The following TAFA1 variants were observed in gnomAD, a reference collection of about 807,000 sequenced individuals.
The protein encoded by TAFA1 is chemokine-like protein TAFA-1.
A neutral mutation model predicts 18.5 loss-of-function variants in TAFA1; 4 were observed. The observed-to-expected ratio is 0.22, with a 90% CI of 0.11 to 0.49. The LOEUF is 0.49. Among genes scored for constraint, TAFA1 ranks in the 20% least tolerant of loss-of-function variants. TAFA1 has a pLI of 0.98. For missense variants in TAFA1, 147 were observed against 169.0 expected (o/e 0.87, Z 0.72); for synonymous variants, 56 against 55.2 (o/e 1.01, Z -0.06).
chr3:68,135,339 A>G (rs915833450), intron 2 of TAFA1, among the ~76,000 whole-genome samples: 1 of 152,210 alleles, frequency 6.6e-6, no homozygotes, highest in African/African-American at 2.4e-5. Context: ...AACAAAGCCT[A>G]TAATTTCTTC....
intron 3 of TAFA1, among the ~76,000 whole-genome samples, chr3:68,435,842 A>G (rs531052476): frequency 6.6e-6 from 1 of 152,296 alleles, no homozygotes; most frequent in Non-Finnish European, 1.5e-5. Context: ...TAACCATGTA[A>G]AAACAGGCCC....
chr3:68,077,671 T>C (rs1468162127), intron 2 of TAFA1, among the ~76,000 whole-genome samples: 1 of 152,120 alleles, frequency 6.6e-6, no homozygotes, highest in Non-Finnish European at 1.5e-5. Flanking sequence ...GATCTATATC[T>C]CTATTTTGGT....
At chr3:68,063,375 A>AT (rs1398140079) in intron 2 of TAFA1, among the ~76,000 whole-genome samples, 10 of 152,218 alleles carry the variant, frequency 6.6e-5, no homozygotes, top group African/African-American at 2.4e-4. Context: ...ATAAGAAACC[A>AT]TTAAAGATGC....
chr3:68,398,893 T>A (rs2070434477), intron 2 of TAFA1, among the ~76,000 whole-genome samples: 1 of 152,174 alleles, frequency 6.6e-6, no homozygotes, highest in Non-Finnish European at 1.5e-5. Flanking sequence ...TCTAAAGGAA[T>A]AAGTTTATAT....
intron 3 of TAFA1, among the ~76,000 whole-genome samples, chr3:68,441,145 C>G (rs536446377): frequency 6.6e-6 from 1 of 152,272 alleles, no homozygotes; most frequent in African/African-American, 2.4e-5. Context: ...TTGGAGGAAA[C>G]ATATTCCTCA....
intron 2 of TAFA1, among the ~76,000 whole-genome samples, chr3:68,194,011 T>A (rs1409322089): frequency 6.6e-6 from 1 of 151,816 alleles, no homozygotes; most frequent in East Asian, 1.9e-4. Context: ...CATGTGTCTT[T>A]GTTCTGAGAC....
At chr3:68,227,704 C>T (rs950782813) in intron 2 of TAFA1, among the ~76,000 whole-genome samples, 4 of 152,006 alleles carry the variant, frequency 2.6e-5, no homozygotes, top group Non-Finnish European at 5.9e-5. Flanking sequence ...CTTTTTTTCT[C>T]CCAACTATGG....
chr3:68,000,845 G>A (rs531658587), upstream of TAFA1, among the ~76,000 whole-genome samples: 1 of 152,180 alleles, frequency 6.6e-6, no homozygotes, highest in Non-Finnish European at 1.5e-5. Context: ...GGTAGTGACT[G>A]ATTGGATGCA....
At chr3:68,091,186 C>T (rs1250692869) in intron 2 of TAFA1, among the ~76,000 whole-genome samples, 1 of 152,132 alleles carries the variant, frequency 6.6e-6, no homozygotes, top group African/African-American at 2.4e-5. Context: ...ACCAAGGACA[C>T]CTACAGACTT....
chr3:68,379,251 A>T (rs760022328), intron 2 of TAFA1, among the ~76,000 whole-genome samples: 6 of 152,076 alleles, frequency 3.9e-5, no homozygotes, highest in Non-Finnish European at 7.4e-5. Flanking sequence ...CCTTTCCCTA[A>T]TGATCAGTGA....
upstream of TAFA1, among the ~76,000 whole-genome samples, chr3:68,002,957 C>T (rs1575568267): frequency 6.6e-6 from 1 of 152,310 alleles, no homozygotes; most frequent in Non-Finnish European, 1.5e-5. Flanking sequence ...GCTGCCACTG[C>T]TGTTATTATT....
At chr3:67,997,948 T>C in the TAFA1 span, among the ~76,000 whole-genome samples, 36 of 151,862 alleles carry the variant, frequency 2.4e-4, no homozygotes, top group Non-Finnish European at 3.2e-4. Context: ...AGAGCACCAT[T>C]AGAGGACTGA....
intron 2 of TAFA1, among the ~76,000 whole-genome samples, chr3:68,373,509 A>G (rs1199460036): frequency 6.6e-6 from 1 of 152,180 alleles, no homozygotes; most frequent in Non-Finnish European, 1.5e-5. Flanking sequence ...AAAGAAACAT[A>G]AGACTTAAAT....
At chr3:68,382,678 T>C (rs891382745) in intron 2 of TAFA1, among the ~76,000 whole-genome samples, 2 of 152,174 alleles carry the variant, frequency 1.3e-5, no homozygotes, top group African/African-American at 4.8e-5. Flanking sequence ...TTGCTTAGGA[T>C]TGCCTTTTTG....
chr3:68,090,962 T>C (rs2065023776), intron 2 of TAFA1, among the ~76,000 whole-genome samples: 1 of 152,180 alleles, frequency 6.6e-6, no homozygotes, highest in Non-Finnish European at 1.5e-5. Context: ...ATAATATTTT[T>C]TAAAACAATC....
intron 2 of TAFA1, among the ~76,000 whole-genome samples, chr3:68,127,581 G>A (rs1489413457): frequency 2.2e-3 from 11 of 4,984 alleles, no homozygotes; most frequent in East Asian, 6.3e-3. Flanking sequence ...AGTGGTGGTA[G>A]TGATGGTAGC....
intron 2 of TAFA1, among the ~76,000 whole-genome samples, chr3:68,301,702 C>G (rs2068305356): frequency 6.6e-6 from 1 of 152,064 alleles, no homozygotes; most frequent in African/African-American, 2.4e-5. Context: ...GAGGTCATAA[C>G]TGAGTTAAAA....
At chr3:68,141,785 T>G (rs558701338) in intron 2 of TAFA1, among the ~76,000 whole-genome samples, 2 of 152,202 alleles carry the variant, frequency 1.3e-5, no homozygotes, top group Admixed American at 1.3e-4. Context: ...TTTTGAACAA[T>G]TGGATACCAC....
Position 68,538,868 on chromosome 3 carries a change from T to G in TAFA1, c.372T>G (p.Ile124Met), listed in dbSNP as rs940488654. 1.2e-6 allele frequency: 2 copies of G among 1,613,350 alleles called. No homozygotes were observed. The highest frequency in any genetic ancestry group is 1.7e-5 in the Admixed American group (1 of 59,894). ...GGATGTGCGCAACAGGCAACAAAAT[T>G]AAGACCACGAGAGTAAGTGCACTTA... Reference protein sequence around the residue: ...SGWMCATGNKIKTTRIHPRT With the variant: ...SGWMCATGNKMKTTRIHPRT Residue 124 changes from isoleucine to methionine, a missense_variant, in exon 4 of 5, where the codon ATT (isoleucine) becomes ATG (methionine). Transcript: ENST00000478136.
Sources: gnomAD v4.1 joint callset for allele counts (sites outside exome capture counted in the v4.1 genomes callset) on GRCh38, gnomAD v4.1.1 for gene constraint, MANE v1.5 for transcripts, NCBI Gene and HGNC (gene_info 2026-07-23, HGNC 2026-07-21) for gene names.